The following PCP4 variants were observed in gnomAD, a reference collection of about 807,000 sequenced individuals.
The protein encoded by PCP4 is Purkinje cell protein 4.
A neutral mutation model predicts 10.0 loss-of-function variants in PCP4; 8 were observed. That is an observed-to-expected ratio of 0.80 (90% CI 0.47 to 1.45). The LOEUF is 1.45. Among genes scored for constraint, PCP4 ranks in the 40% most tolerant of loss-of-function variants. The pLI, the probability that PCP4 is intolerant of heterozygous loss-of-function variation, is 0.00. For synonymous variants in PCP4, 21 were observed against 23.0 expected (o/e 0.91, Z 0.24); for missense variants, 54 against 74.4 (o/e 0.73, Z 1.01).
chr21:39,925,450 G>A (rs1007441848), intron 2 of PCP4, among the ~76,000 whole-genome samples: 7 of 152,204 alleles, frequency 4.6e-5, no homozygotes, highest in African/African-American at 4.8e-5. Context: ...GTGTGTGTGC[G>A]CTGGATCCTA....
At chr21:39,924,901 G>A (rs914162) in intron 2 of PCP4, among the ~76,000 whole-genome samples, 135,945 of 152,162 alleles carry the variant, frequency 0.89, 60,940 homozygotes, top group Middle Eastern at 0.95. Flanking sequence ...AAGAGGCTTA[G>A]AAACCCGCCT....
chr21:39,922,821 C>A (rs1445930603), intron 2 of PCP4, among the ~76,000 whole-genome samples: 1 of 152,154 alleles, frequency 6.6e-6, no homozygotes, highest in African/African-American at 2.4e-5. Context: ...ATTGTCACTT[C>A]CTTTGAGGTG....
rs1462735761 is a variant in PCP4, at chr21:39,923,648, A to C, written c.62-5336A>C. ...TTTCCAGTACACGCGGCAGAATCCTATGTGCACATGTCAGGGAGAGGCCAC... is the reference window on the plus strand; with the variant it reads ...TTTCCAGTACACGCGGCAGAATCCTCTGTGCACATGTCAGGGAGAGGCCAC... On this transcript the variant is annotated intron_variant, in intron 2 of 2. Coordinates refer to ENST00000328619, the MANE Select transcript of PCP4 (RefSeq NM_006198.3). Among the ~76,000 whole-genome samples, 2 of 152,152 alleles carry C rather than the reference A, an allele frequency of 1.3e-5. 1 individual carries two copies. The highest frequency in any genetic ancestry group is 4.1e-4 in the South Asian group (2 of 4,826).
intron 1 of PCP4, among the ~76,000 whole-genome samples, chr21:39,886,468 G>T (rs556937650): frequency 6.6e-6 from 1 of 152,178 alleles, no homozygotes; most frequent in Non-Finnish European, 1.5e-5. Flanking sequence ...AGCTGGGCAT[G>T]GTGGTAGATG....
At chr21:39,884,215 T>G (rs1374851699) in intron 1 of PCP4, among the ~76,000 whole-genome samples, 1 of 152,002 alleles carries the variant, frequency 6.6e-6, no homozygotes, top group African/African-American at 2.4e-5. Flanking sequence ...ATTTCTCTTT[T>G]GTTGCCCAGG....
At chr21:39,873,073 T>G (rs1787879515) in intron 1 of PCP4, among the ~76,000 whole-genome samples, 1 of 152,218 alleles carries the variant, frequency 6.6e-6, no homozygotes, top group Non-Finnish European at 1.5e-5. Context: ...TATGTTTCCC[T>G]GTTGTCTCCA....
chr21:39,918,235 T>A (rs2087578542), intron 2 of PCP4, among the ~76,000 whole-genome samples: 1 of 152,248 alleles, frequency 6.6e-6, no homozygotes, highest in African/African-American at 2.4e-5. Flanking sequence ...TCTTCCTCGC[T>A]TAATAAATTT....
At chr21:39,872,743 G>A (rs771227813) in intron 1 of PCP4, among the ~76,000 whole-genome samples, 20 of 152,100 alleles carry the variant, frequency 1.3e-4, no homozygotes, top group Admixed American at 3.9e-4. Flanking sequence ...ATAAGTTTTG[G>A]GATGTGGATT....
intron 1 of PCP4, among the ~76,000 whole-genome samples, chr21:39,895,506 T>C (rs2087452803): frequency 1.3e-5 from 2 of 152,358 alleles, no homozygotes; most frequent in South Asian, 2.1e-4. Flanking sequence ...CACACAGTAC[T>C]GAGAGATGCT....
chr21:39,885,691 G>A (rs1194850838), intron 1 of PCP4, among the ~76,000 whole-genome samples: 2 of 152,208 alleles, frequency 1.3e-5, no homozygotes, highest in Non-Finnish European at 2.9e-5. Context: ...ATCCCCCAAA[G>A]CCAGGCACCC....
intron 2 of PCP4, among the ~76,000 whole-genome samples, chr21:39,900,310 C>G (rs1380920251): frequency 6.6e-6 from 1 of 152,194 alleles, no homozygotes; most frequent in African/African-American, 2.4e-5. Flanking sequence ...GGTGGGATTA[C>G]AGGTGTGAGC....
chr21:39,898,479 C>A lies in PCP4; in HGVS notation c.13C>A (p.Gln5Lys). 5.6e-6 allele frequency: 9 copies of A among 1,613,736 alleles called. No individual in the cohort carries two copies. Among genetic ancestry groups the A allele is most frequent in the African/African-American group, 1.3e-5 (1 of 75,044 alleles). The part of the protein sequence containing the change: MSER[Q>K]GAGATNGKDK... The stretch of plus-strand genomic sequence containing the variant: ...TTCTTTTATTTTTTGCCTTTAGCGA[C>A]AAGGTGCTGGGGCAACCAATGGAAA... Residue 5 changes from glutamine to lysine, a missense_variant, in exon 2 of 3, where the codon CAA becomes AAA. Gln to Lys is a moderately conservative substitution (Grantham distance 53). Transcript: ENST00000328619.
intron 2 of PCP4, among the ~76,000 whole-genome samples, chr21:39,907,596 G>C (rs2087518365): frequency 6.6e-6 from 1 of 152,128 alleles, no homozygotes; most frequent in East Asian, 1.9e-4. Flanking sequence ...AGGAGTTTGA[G>C]GCCAGCCTGG....
At chr21:39,903,737 G>A (rs1389896367) in intron 2 of PCP4, among the ~76,000 whole-genome samples, 2 of 151,604 alleles carry the variant, frequency 1.3e-5, no homozygotes, top group Admixed American at 6.6e-5. Flanking sequence ...GCGCGGTGGC[G>A]GGCGCCTGTA....
At chr21:39,901,761 A>C (rs1349774519) in intron 2 of PCP4, among the ~76,000 whole-genome samples, 1 of 152,244 alleles carries the variant, frequency 6.6e-6, no homozygotes, top group Non-Finnish European at 1.5e-5. Context: ...GGCAATGTAT[A>C]AATGTAAATT....
intron 1 of PCP4, among the ~76,000 whole-genome samples, chr21:39,886,541 G>A (rs901074746): frequency 2.0e-5 from 3 of 152,148 alleles, no homozygotes; most frequent in Admixed American, 6.5e-5. Context: ...GGAGGTGGAG[G>A]TTGCAGTGAG....
intron 2 of PCP4, among the ~76,000 whole-genome samples, chr21:39,917,352 C>T (rs369942310): frequency 1.2e-4 from 19 of 152,250 alleles, no homozygotes; most frequent in Middle Eastern, 3.4e-3. Flanking sequence ...GCCCCTGATG[C>T]GCACTTCTGC....
chr21:39,885,239 T>C (rs2087394253), intron 1 of PCP4, among the ~76,000 whole-genome samples: 1 of 152,110 alleles, frequency 6.6e-6, no homozygotes. Context: ...AAACTGACAC[T>C]GAGCAAGCGC....
intron 1 of PCP4, among the ~76,000 whole-genome samples, chr21:39,896,250 A>G (rs2087456607): frequency 6.6e-6 from 1 of 152,184 alleles, no homozygotes; most frequent in African/African-American, 2.4e-5. Context: ...CTTCCATTTA[A>G]TTTGACTTTA....
Sources: allele counts gnomAD v4.1 joint callset (sites outside exome capture counted in the v4.1 genomes callset), GRCh38; gene constraint gnomAD v4.1.1; transcripts MANE v1.5; gene names NCBI Gene and HGNC (gene_info 2026-07-23, HGNC 2026-07-21).